Variants in ZAR1L observed in about 807,000 individuals in gnomAD.
The protein encoded by ZAR1L is zygote arrest 1 like.
A neutral mutation model predicts 30.0 loss-of-function variants in ZAR1L; 16 were observed. The ratio of observed to expected loss-of-function variants is 0.53; its 90% CI spans 0.36 to 0.81. ZAR1L has a LOEUF of 0.81. Among genes scored for constraint, ZAR1L ranks in the 30% least tolerant of loss-of-function variants. The pLI is 0.00. For synonymous variants in ZAR1L, 197 were observed against 166.8 expected (o/e 1.18, Z -1.40); for missense variants, 392 against 417.2 (o/e 0.94, Z 0.53).
At chr13:32,306,383 A>G (rs1300794877) in intron 5 of ZAR1L, among the ~76,000 whole-genome samples, 1 of 152,232 alleles carries the variant, frequency 6.6e-6, no homozygotes, top group Non-Finnish European at 1.5e-5. Flanking sequence ...TGCAGTTTCA[A>G]GAAACACTAT....
At chr13:32,314,852 CA>C (rs148073463) in intron 1 of ZAR1L, among the ~76,000 whole-genome samples, 10 of 145,356 alleles carry the variant, frequency 6.9e-5, no homozygotes, top group East Asian at 4.0e-4. Flanking sequence ...AACTCCGTCT[CA>C]AAAAAAAAAG....
At chr13:32,310,971 C>T (rs2072208006) in intron 3 of ZAR1L, among the ~76,000 whole-genome samples, 1 of 152,186 alleles carries the variant, frequency 6.6e-6, no homozygotes. Context: ...ACAATCTTCC[C>T]AAAACGAAAG....
At chr13:32,306,282 A>T (rs747295588) in intron 5 of ZAR1L, among the ~76,000 whole-genome samples, 4 of 152,220 alleles carry the variant, frequency 2.6e-5, no homozygotes, top group Non-Finnish European at 5.9e-5. Context: ...GTCTAGTATG[A>T]GTAATTGGAA....
chr13:32,310,524 C>G, intron 4 of ZAR1L, 115 bp downstream of exon 4: 1 of 722,782 alleles, frequency 1.4e-6, no homozygotes, highest in South Asian at 1.8e-5. Context: ...ACGGGGGATG[C>G]CACCAAGATC....
At chr13:32,307,106 C>A (rs115358685) in intron 5 of ZAR1L, among the ~76,000 whole-genome samples, 1 of 151,828 alleles carries the variant, frequency 6.6e-6, no homozygotes, top group African/African-American at 2.4e-5. Context: ...TGACTATACA[C>A]AATAATCTTA....
intron 3 of ZAR1L, 139 bp downstream of exon 3, chr13:32,311,133 A>G (rs983786930): frequency 1.3e-4 from 142 of 1,084,482 alleles, no homozygotes; most frequent in Non-Finnish European, 1.6e-4. Context: ...CGTGATATAC[A>G]TATTTTCAGA....
rs60993186 is a variant in ZAR1L, at chr13:32,308,703, C to T, written c.805G>A (p.Glu269Lys). The change falls in exon 5 of 6, where the codon GAA becomes AAA. Residue 269 changes from glutamate (E) to lysine (K), a missense_variant. By Grantham distance (56) the Glu-to-Lys change is moderately conservative. Transcript: ENST00000533490. ...CQKSFNPYRV[E>K]AIQCQTCSKS... The stretch of plus-strand genomic sequence containing the variant: ...ATGCTCACCTGACATTGGATTGCTT[C>T]TACTCGATAAGGGTTAAAACTCTTT... The T allele has an allele frequency of 6.4e-7, 1 of 1,551,038 alleles. No homozygotes were observed. The highest frequency in any genetic ancestry group is 1.2e-5 in the South Asian group (1 of 84,038).
intron 5 of ZAR1L, 55 bp downstream of exon 5, chr13:32,308,631 A>G (rs1385211802): frequency 2.3e-6 from 3 of 1,317,226 alleles, no homozygotes. Flanking sequence ...TTTGTCACAG[A>G]GGCTTCATTT....
In ZAR1L at chr13:32,307,236, G is replaced by C. The variant is rs1261873468; in HGVS notation, c.822+1450C>G. Among the ~76,000 whole-genome samples the C allele has an allele frequency of 2.6e-5, 4 of 152,168 alleles. No homozygotes were observed. In the South Asian group the frequency reaches 8.3e-4, roughly 31 times the overall value. ...AGGCAAGATTAGGCTGAGCGCAGTG[G>C]CTTACGCCTGTAATCCCAGCACTTT... On this transcript the variant is annotated intron_variant, in intron 5 of 5. Transcript: ENST00000533490.
chr13:32,305,256 T>C (rs1490232212), intron 5 of ZAR1L, among the ~76,000 whole-genome samples: 1 of 152,042 alleles, frequency 6.6e-6, no homozygotes, highest in African/African-American at 2.4e-5. Context: ...AGACAGAGTC[T>C]CGCTCTTTTG....
rs139193606 is a variant in ZAR1L at position 32,311,114 on chromosome 13, T to C, written c.654+158A>G. 2.5e-3 allele frequency among the ~76,000 whole-genome samples: 387 copies of C among 152,268 alleles called. 4 individuals carry two copies. Among genetic ancestry groups the C allele is most frequent in the African/African-American group, 8.9e-3 (369 of 41,534 alleles). ...TATTTTACCCAAAACTTACCAAACATACAGGCCACGTGATATACATATTTT... is the reference window on the plus strand; with the variant it reads ...TATTTTACCCAAAACTTACCAAACACACAGGCCACGTGATATACATATTTT... On this transcript the variant is annotated intron_variant, in intron 3 of 5. Transcript: ENST00000533490.
In ZAR1L at chr13:32,308,775, G is replaced by GTTT; in HGVS notation, c.748-18_748-16dup. The GTTT allele has an allele frequency of 5.5e-6, 8 of 1,460,384 alleles. No individual in the cohort carries two copies. Among genetic ancestry groups the GTTT allele is most frequent in the East Asian group, 2.6e-5 (1 of 38,916 alleles). 90.5% of individuals were successfully genotyped at this position (1,460,384 alleles called of 1,614,324 possible). A position where few individuals can be genotyped will look rare whatever the true frequency, so the allele number is the denominator to read the frequency against. ...TTGAAATAAACCTAAAGAGAAATAT[G>GTTT]TTTTTTTTTAATACAAGCTTTTATA... On this transcript the variant is annotated splice_polypyrimidine_tract_variant and intron_variant, in intron 4 of 5. Transcript: ENST00000533490.
Position 32,308,801 on chromosome 13 carries a change from C to T in ZAR1L, c.748-41G>A, listed in dbSNP as rs933106895. On this transcript the variant is annotated intron_variant, in intron 4 of 5. Coordinates refer to ENST00000533490, the MANE Select transcript of ZAR1L (RefSeq NM_001136571.2). ...TTTTTTTTTAATACAAGCTTTTATA[C>T]ACACCCACACCCTGCAAAGGCTCCC... The T allele has an allele frequency of 2.3e-6, 3 of 1,323,836 alleles. No homozygotes were observed. The African/African-American group carries it at 4.5e-5, about 20-fold the overall frequency. 82.0% of individuals were successfully genotyped at this position (1,323,836 alleles called of 1,614,324 possible). A position where few individuals can be genotyped will look rare whatever the true frequency, so the allele number is the denominator to read the frequency against.
intron 5 of ZAR1L, among the ~76,000 whole-genome samples, chr13:32,308,144 C>G (rs1413923426): frequency 1.3e-5 from 2 of 152,120 alleles, no homozygotes; most frequent in Non-Finnish European, 2.9e-5. Context: ...ATGTTTTTAA[C>G]TAAGGACTTA....
intron 5 of ZAR1L, among the ~76,000 whole-genome samples, chr13:32,304,536 T>A (rs61948366): frequency 0.027 from 4,156 of 152,296 alleles, 74 homozygotes; most frequent in Non-Finnish European, 0.042. Flanking sequence ...CCAGTGGACA[T>A]CTGGCAATGT....
chr13:32,307,344 C>CA (rs1285697520), intron 5 of ZAR1L, among the ~76,000 whole-genome samples: 7 of 151,498 alleles, frequency 4.6e-5, no homozygotes, highest in Middle Eastern at 6.9e-3. Context: ...ACTAAAAATA[C>CA]AAAAATTAGC....
At chr13:32,305,402 A>G (rs949825725) in intron 5 of ZAR1L, among the ~76,000 whole-genome samples, 2 of 148,160 alleles carry the variant, frequency 1.3e-5, no homozygotes, top group African/African-American at 5.0e-5. Context: ...AATTTTTTGT[A>G]TTTTTAGTAG....
chr13:32,314,164 G>A (rs1298290023), intron 2 of ZAR1L, among the ~76,000 whole-genome samples, 166 bp downstream of exon 2: 2 of 152,198 alleles, frequency 1.3e-5, no homozygotes, highest in African/African-American at 4.8e-5. Flanking sequence ...TAAAATGTTT[G>A]GTAAGTGGCA....
intron 5 of ZAR1L, among the ~76,000 whole-genome samples, chr13:32,308,363 A>G (rs1395193550): frequency 6.6e-6 from 1 of 152,232 alleles, no homozygotes; most frequent in Non-Finnish European, 1.5e-5. Context: ...TAATGCATGT[A>G]AAGCACTATC....
Sources: gnomAD v4.1 joint callset for allele counts (sites outside exome capture counted in the v4.1 genomes callset) on GRCh38, gnomAD v4.1.1 for gene constraint, MANE v1.5 for transcripts, NCBI Gene and HGNC (gene_info 2026-07-23, HGNC 2026-07-21) for gene names.